Variants in WDR41 observed in about 807,000 individuals in gnomAD.
WDR41 encodes WD repeat domain 41.
A neutral mutation model predicts 69.3 loss-of-function variants in WDR41; 63 were observed. The observed-to-expected ratio is 0.91, with a 90% CI of 0.74 to 1.12. The LOEUF (loss-of-function observed/expected upper bound fraction) is 1.12. WDR41 is among the 50% of genes most tolerant of loss of function. The pLI is 0.00. For synonymous variants in WDR41, 185 were observed against 192.1 expected (o/e 0.96, Z 0.31); for missense variants, 543 against 534.5 (o/e 1.02, Z -0.16).
intron 9 of WDR41, among the ~76,000 whole-genome samples, chr5:77,438,722 TC>T (rs1055778369): frequency 1.3e-5 from 2 of 152,076 alleles, no homozygotes; most frequent in Admixed American, 1.3e-4. Flanking sequence ...TAACACTATA[TC>T]CTTGGGAAAA....
intron 1 of WDR41, among the ~76,000 whole-genome samples, chr5:77,561,443 CT>C (rs1162751378): frequency 3.3e-5 from 5 of 151,986 alleles, no homozygotes; most frequent in South Asian, 2.1e-4. Flanking sequence ...AGTTTTGATA[CT>C]TTTTTTTCCT....
intron 2 of WDR41, among the ~76,000 whole-genome samples, chr5:77,478,308 C>A (rs1801055857): frequency 6.6e-6 from 1 of 152,146 alleles, no homozygotes; most frequent in African/African-American, 2.4e-5. Context: ...AGAGGGAATC[C>A]TCCCTAACTC....
At chr5:77,440,590 T>G (rs561945861) in intron 9 of WDR41, among the ~76,000 whole-genome samples, 1 of 152,356 alleles carries the variant, frequency 6.6e-6, no homozygotes, top group East Asian at 1.9e-4. Flanking sequence ...TCAATAATTT[T>G]TAAATCTGTG....
chr5:77,573,416 T>C (rs1283626029), intron 1 of WDR41, among the ~76,000 whole-genome samples: 2 of 152,200 alleles, frequency 1.3e-5, no homozygotes, highest in Non-Finnish European at 1.5e-5. Flanking sequence ...TACCAGAACA[T>C]TTATAGACTC....
At chr5:77,474,019 A>G (rs539987923) in intron 2 of WDR41, among the ~76,000 whole-genome samples, 54 of 152,344 alleles carry the variant, frequency 3.5e-4, no homozygotes, top group African/African-American at 1.1e-3. Context: ...ACAATAGCAA[A>G]GACTTGGAAC....
chr5:77,618,237 TC>T (rs1744713292), intron 1 of WDR41, among the ~76,000 whole-genome samples: 1 of 152,144 alleles, frequency 6.6e-6, no homozygotes, highest in Non-Finnish European at 1.5e-5. Flanking sequence ...TACGCCCCAT[TC>T]CCAGGGCCTG....
At chr5:77,444,372 A>C (rs1799294190) in intron 8 of WDR41, among the ~76,000 whole-genome samples, 1 of 152,230 alleles carries the variant, frequency 6.6e-6, no homozygotes, top group Non-Finnish European at 1.5e-5. Context: ...CTAGTACTTC[A>C]TGATTACCAA....
At chr5:77,472,174 A>G (rs953909194) in intron 2 of WDR41, among the ~76,000 whole-genome samples, 35 of 152,242 alleles carry the variant, frequency 2.3e-4, no homozygotes, top group Admixed American at 4.6e-4. Context: ...GACAAAAACC[A>G]TATGATTATC....
chr5:77,563,448 C>G (rs777883923), intron 1 of WDR41, among the ~76,000 whole-genome samples: 1 of 152,170 alleles, frequency 6.6e-6, no homozygotes, highest in Non-Finnish European at 1.5e-5. Context: ...CTTAGTGTGC[C>G]TCATCTAACC....
chr5:77,472,023 A>G (rs537061989), intron 2 of WDR41, among the ~76,000 whole-genome samples: 1 of 152,360 alleles, frequency 6.6e-6, no homozygotes, highest in East Asian at 1.9e-4. Flanking sequence ...AGAAATCCTC[A>G]GTAAAATACT....
At chr5:77,433,665 C>A (rs1798817255) in intron 12 of WDR41, among the ~76,000 whole-genome samples, 1 of 152,164 alleles carries the variant, frequency 6.6e-6, no homozygotes, top group African/African-American at 2.4e-5. Context: ...CTTCAGCTCT[C>A]TATAAAAGTA....
At chr5:77,568,440 T>A (rs1460691422) in intron 1 of WDR41, among the ~76,000 whole-genome samples, 1 of 152,194 alleles carries the variant, frequency 6.6e-6, no homozygotes. Flanking sequence ...CTTCCTGAGA[T>A]TATGAACCTG....
intron 8 of WDR41, among the ~76,000 whole-genome samples, chr5:77,441,536 C>T (rs1411552478): frequency 6.6e-6 from 1 of 151,988 alleles, no homozygotes; most frequent in African/African-American, 2.4e-5. Flanking sequence ...GTCAGGAGTT[C>T]GAGACCAGCC....
chr5:77,580,567 G>A (rs1278548736), intron 1 of WDR41, among the ~76,000 whole-genome samples: 1 of 151,260 alleles, frequency 6.6e-6, no homozygotes, highest in Non-Finnish European at 1.5e-5. Flanking sequence ...AAAATATAGT[G>A]AAAAAATCAT....
intron 1 of WDR41, among the ~76,000 whole-genome samples, chr5:77,550,284 AT>A (rs1210640755): frequency 6.6e-6 from 1 of 152,220 alleles, no homozygotes; most frequent in African/African-American, 2.4e-5. Flanking sequence ...AGCAAAAAAA[AT>A]GATCAACAGA....
rs1798756047 is a variant in WDR41 at position 77,432,367 on chromosome 5, T to A, written c.*768A>T. 1 of 152,530 alleles carries A rather than the reference T, an allele frequency of 6.6e-6. No individual in the cohort carries two copies. Among genetic ancestry groups the A allele is most frequent in the Non-Finnish European group, 1.5e-5 (1 of 68,052 alleles). The allele number at this position is 152,530 out of a possible 1,614,324, so 9.4% of individuals were successfully genotyped here. On this transcript the variant is annotated 3_prime_UTR_variant, in exon 13 of 13. Coordinates refer to ENST00000296679, the MANE Select transcript of WDR41 (RefSeq NM_018268.4). ...AAAGAAGTCTGTCTCAAGCAGTTCGTATTTGAGTCAGTGGTCAGATGGGGC... is the reference window on the plus strand; with the variant it reads ...AAAGAAGTCTGTCTCAAGCAGTTCGAATTTGAGTCAGTGGTCAGATGGGGC...
intron 2 of WDR41, among the ~76,000 whole-genome samples, chr5:77,482,181 C>T (rs1237254650): frequency 5.3e-5 from 8 of 152,196 alleles, no homozygotes; most frequent in Non-Finnish European, 1.0e-4. Flanking sequence ...TATCTGCACC[C>T]AGTCCAACCC....
chr5:77,434,857 G>C (rs1798878666), intron 12 of WDR41, among the ~76,000 whole-genome samples: 1 of 152,096 alleles, frequency 6.6e-6, no homozygotes, highest in African/African-American at 2.4e-5. Context: ...TGAGAAATGT[G>C]CCACATTCAA....
At chr5:77,521,742 C>T (rs1185518922) in intron 1 of WDR41, among the ~76,000 whole-genome samples, 2 of 152,210 alleles carry the variant, frequency 1.3e-5, no homozygotes, top group South Asian at 2.1e-4. Context: ...AGAATAATCA[C>T]ACATTTTACT....
Sources: gnomAD v4.1 joint callset for allele counts (sites outside exome capture counted in the v4.1 genomes callset) on GRCh38, gnomAD v4.1.1 for gene constraint, MANE v1.5 for transcripts, NCBI Gene and HGNC (gene_info 2026-07-23, HGNC 2026-07-21) for gene names.